LOXHD1: variants seen among roughly 807,000 people sequenced by gnomAD.
LOXHD1 encodes lipoxygenase homology domain-containing protein 1.
Under a neutral mutation model 248.2 loss-of-function variants are expected in LOXHD1, and 205 were observed. That is an observed-to-expected ratio of 0.83 (90% CI 0.74 to 0.93). LOXHD1 has a LOEUF of 0.93. LOXHD1 is among the 40% of genes least tolerant of loss of function. LOXHD1 has a pLI of 0.00. For missense variants in LOXHD1, 2,930 were observed against 2,971.6 expected (o/e 0.99, Z 0.33); for synonymous variants, 1,113 against 1,162.8 (o/e 0.96, Z 0.87).
intron 29 of LOXHD1, among the ~76,000 whole-genome samples, chr18:46,527,223 T>C (rs1010461833): frequency 7.9e-5 from 12 of 152,112 alleles, no homozygotes; most frequent in Non-Finnish European, 1.8e-4. Flanking sequence ...ACTTAATCCA[T>C]ATTTATTGAA....
Position 46,591,989 on chromosome 18 carries a change from T to C in LOXHD1, c.1598A>G (p.Asn533Ser). The change falls in exon 12 of 41, where the codon AAT (asparagine) becomes AGT (serine). Residue 533 changes from asparagine to serine, a missense_variant. Physicochemically the swap from Asn to Ser is conservative, Grantham distance 46. Transcript: ENST00000642948. Reference protein sequence around the residue: ...NRWLDANEDDNEIVREMTAEG... With the variant: ...NRWLDANEDDSEIVREMTAEG... ...TGCAGTCATTTCCCTCACTATCTCA[T>C]TGTCATCCTCATTGGCATCCAGCCA... The C allele has an allele frequency of 1.3e-6, 2 of 1,552,130 alleles. No homozygotes were observed. Among genetic ancestry groups the C allele is most frequent in the Non-Finnish European group, 1.7e-6 (2 of 1,147,070 alleles).
chr18:46,481,737 G>A (rs1433664256), intron 40 of LOXHD1, among the ~76,000 whole-genome samples: 1 of 152,226 alleles, frequency 6.6e-6, no homozygotes, highest in Non-Finnish European at 1.5e-5. Flanking sequence ...AGGGAAAGAT[G>A]CTTCAATTAA....
chr18:46,564,566 G>C (rs775016104), intron 17 of LOXHD1, among the ~76,000 whole-genome samples: 1 of 151,856 alleles, frequency 6.6e-6, no homozygotes, highest in African/African-American at 2.4e-5. Context: ...TAGGTATATT[G>C]TTTAAAAATA....
rs563533370 is a variant in LOXHD1 at position 46,559,555 on chromosome 18, C to T, written c.3109G>A (p.Gly1037Ser). The T allele has an allele frequency of 9.3e-5, 144 of 1,551,916 alleles. No homozygotes were observed. In the South Asian group the frequency reaches 1.3e-3, roughly 14 times the overall value. ...GTTAGGTAGACGTTAGCATCAGTGC[C>T]GGCCTTGGGCACATTCCCCGTGACC... ...QVVTGNVPKA[G>S]TDANVYLTIY... Residue 1037 changes from glycine to serine, a missense_variant, in exon 20 of 41, where the codon GGC (glycine) becomes AGC (serine). By Grantham distance (56) the Gly-to-Ser change is moderately conservative. Coordinates refer to ENST00000642948, the MANE Select transcript of LOXHD1 (RefSeq NM_001384474.1).
chr18:46,523,876 A>AG (rs933777421), intron 31 of LOXHD1, among the ~76,000 whole-genome samples: 31 of 152,190 alleles, frequency 2.0e-4, no homozygotes, highest in African/African-American at 7.0e-4. Flanking sequence ...GGCCTCCTGG[A>AG]GGGGGATAGC....
chr18:46,576,213 A>C lies in LOXHD1; in HGVS notation c.1970+1494T>G, dbSNP rs187712013. Among the ~76,000 whole-genome samples the C allele has an allele frequency of 8.0e-3, 1,213 of 152,296 alleles. 7 individuals carry two copies. The highest frequency in any genetic ancestry group is 0.011 in the Non-Finnish European group (745 of 68,034). Reference sequence around the variant, plus strand: ...GTAGGTATAAATATATTTTGAGTAGATAGGAATAAAACAATGCAAGCTCTT... The same window carrying C: ...GTAGGTATAAATATATTTTGAGTAGCTAGGAATAAAACAATGCAAGCTCTT... On this transcript the variant is annotated intron_variant, in intron 14 of 40. Coordinates refer to ENST00000642948, the MANE Select transcript of LOXHD1 (RefSeq NM_001384474.1).
intron 12 of LOXHD1, among the ~76,000 whole-genome samples, chr18:46,585,161 C>T (rs775172920): frequency 5.3e-5 from 8 of 152,002 alleles, no homozygotes; most frequent in Non-Finnish European, 1.0e-4. Flanking sequence ...AGATCAGAAA[C>T]GAGTCATCTC....
chr18:46,497,953 G>A (rs368900960), intron 37 of LOXHD1, among the ~76,000 whole-genome samples: 167 of 152,330 alleles, frequency 1.1e-3, no homozygotes, highest in African/African-American at 3.8e-3. Context: ...TCACAAGGCC[G>A]AGGTCTCAGT....
chr18:46,643,122 C>T (rs1348189442), intron 2 of LOXHD1, among the ~76,000 whole-genome samples: 7 of 152,160 alleles, frequency 4.6e-5, no homozygotes, highest in Non-Finnish European at 1.0e-4. Flanking sequence ...ATTCTGTGAA[C>T]GGACTCATGG....
At chr18:46,548,971 C>G (rs2036968461) in intron 21 of LOXHD1, among the ~76,000 whole-genome samples, 1 of 152,196 alleles carries the variant, frequency 6.6e-6, no homozygotes, top group Non-Finnish European at 1.5e-5. Context: ...AGAACCTGCT[C>G]CTTGTACCGA....
rs2038382780 is a variant in LOXHD1, at chr18:46,604,356, A to G, written c.760-127T>C. 6 of 1,290,454 alleles carry G rather than the reference A, an allele frequency of 4.6e-6. No individual in the cohort carries two copies. In the South Asian group the frequency reaches 8.8e-5, roughly 19 times the overall value. The allele number at this position is 1,290,454 out of a possible 1,614,324, so 79.9% of individuals were successfully genotyped here. A position where few individuals can be genotyped will look rare whatever the true frequency, so the allele number is the denominator to read the frequency against. Reference sequence around the variant, plus strand: ...GTACTGATATCTGTTTCGTGGCCCAAGGAAAGCTTATCACAAGGACACAAC... The same window carrying G: ...GTACTGATATCTGTTTCGTGGCCCAGGGAAAGCTTATCACAAGGACACAAC... On this transcript the variant is annotated intron_variant, in intron 6 of 40. Transcript: ENST00000642948.
At chr18:46,618,842 T>C (rs892017545) in intron 4 of LOXHD1, among the ~76,000 whole-genome samples, 2 of 152,200 alleles carry the variant, frequency 1.3e-5, no homozygotes, top group African/African-American at 2.4e-5. Flanking sequence ...CCATAACCAA[T>C]GCAAAGACAA....
In LOXHD1 at chr18:46,522,261, G is replaced by A; in HGVS notation, c.4925C>T (p.Ala1642Val). 1 of 1,551,794 alleles carries A rather than the reference G, an allele frequency of 6.4e-7. No individual in the cohort carries two copies. Among genetic ancestry groups the A allele is most frequent in the South Asian group, 1.2e-5 (1 of 84,054 alleles). The change falls in exon 32 of 41, where the codon GCC becomes GTC. Residue 1642 changes from alanine to valine, a missense_variant. Coordinates refer to ENST00000642948, the MANE Select transcript of LOXHD1 (RefSeq NM_001384474.1). ...SVTTGKHKDAATDSRAFIFLI... is the reference protein window; with the variant it reads ...SVTTGKHKDAVTDSRAFIFLI... ...AAAGATGAAGGCTCGGCTGTCAGTG[G>A]CCGCGTCCTTGTGCTTCCCAGTGGT...
chr18:46,495,405 C>G (rs2033791620), intron 37 of LOXHD1, among the ~76,000 whole-genome samples: 1 of 150,976 alleles, frequency 6.6e-6, no homozygotes, highest in African/African-American at 2.4e-5. Flanking sequence ...AAAATTCTAG[C>G]TACTAAATGA....
intron 35 of LOXHD1, 94 bp downstream of exon 35, chr18:46,509,603 AT>A (rs1568114448): frequency 1.1e-6 from 1 of 885,660 alleles, no homozygotes; most frequent in South Asian, 1.4e-5. Context: ...CTACAGTGAC[AT>A]TTGTGCTTTA....
intron 40 of LOXHD1, among the ~76,000 whole-genome samples, chr18:46,478,531 T>G (rs376268419): frequency 1.7e-4 from 26 of 152,302 alleles, no homozygotes; most frequent in African/African-American, 6.3e-4. Flanking sequence ...AGCCATGTGA[T>G]CCTATTGAGA....
At position 46,507,677 on chromosome 18, in the gene LOXHD1, G is replaced by A; in HGVS notation, c.5553C>T (p.Thr1851=). Residue 1851 remains threonine, a synonymous_variant, in exon 36 of 41, where the codon ACC becomes ACT. Transcript: ENST00000642948. ...ACAGCCAGTCTCCATAGTAGAACAT[G>A]GTCAGGTCTCCAGTGTTCATGTTCT... is the stretch of plus-strand genomic sequence containing the variant. ...LLKNMNTGDL[T]MFYYGDWLSQ... 6.4e-7 allele frequency: 1 copy of A among 1,551,676 alleles called. No individual in the cohort carries two copies. The highest frequency in any genetic ancestry group is 1.2e-5 in the South Asian group (1 of 84,054).
intron 21 of LOXHD1, chr18:46,555,377 C>T (rs945450089): frequency 8.8e-6 from 3 of 339,612 alleles, no homozygotes; most frequent in Non-Finnish European, 1.2e-5. Flanking sequence ...GGTTCCCAGC[C>T]ATGGGGCTGT....
intron 4 of LOXHD1, among the ~76,000 whole-genome samples, chr18:46,636,873 A>C (rs328197): frequency 0.6 from 90,975 of 152,126 alleles, 28,061 homozygotes; most frequent in East Asian, 0.89. Flanking sequence ...AGCCTGGGTG[A>C]AGTGGCTCAC....
Sources: allele counts gnomAD v4.1 joint callset (sites outside exome capture counted in the v4.1 genomes callset), GRCh38; gene constraint gnomAD v4.1.1; transcripts MANE v1.5; gene names NCBI Gene and HGNC (gene_info 2026-07-23, HGNC 2026-07-21).